Variants in ZNF276 observed in about 807,000 individuals in gnomAD.
The protein encoded by ZNF276 is centromere protein Z.
A neutral mutation model predicts 63.9 loss-of-function variants in ZNF276; 59 were observed. That is an observed-to-expected ratio of 0.92 (90% CI 0.75 to 1.15). ZNF276 has a LOEUF of 1.15. ZNF276 is among the 50% of genes most tolerant of loss of function. The pLI, the probability that ZNF276 is intolerant of heterozygous loss-of-function variation, is 0.00. For missense variants in ZNF276, 1,084 were observed against 843.8 expected (o/e 1.28, Z -3.53); for synonymous variants, 496 against 348.4 (o/e 1.42, Z -4.72).
At position 89,739,199 on chromosome 16, in the gene ZNF276, G is replaced by A. The variant is rs777315528; in HGVS notation, c.*953G>A. On this transcript the variant is annotated 3_prime_UTR_variant, in exon 11 of 11. Transcript: ENST00000443381. ...CTGTGCTTGTATCCCCAGCCACGAA[G>A]AGCTGGACCAGCTTCAAGTACATGT... 1.9e-6 allele frequency: 3 copies of A among 1,614,194 alleles called. No homozygotes were observed. Among genetic ancestry groups the A allele is most frequent in the South Asian group, 1.1e-5 (1 of 91,090 alleles).
chr16:89,738,075 G>A lies in ZNF276; in HGVS notation c.1674G>A (p.Gln558=). Residue 558 remains glutamine (Q), a synonymous_variant, in exon 11 of 11, where the codon CAG becomes CAA. Transcript: ENST00000443381. The stretch of plus-strand genomic sequence containing the variant: ...CTGAGCTGGACTTTGCCTGTGACCA[G>A]TGTGGCCGGCGGTTTGAGAAGGCCC... The part of the protein sequence containing the change: ...AETELDFACD[Q]CGRRFEKAHN... 5.0e-6 allele frequency: 8 copies of A among 1,614,124 alleles called. No individual in the cohort carries two copies. Among genetic ancestry groups the A allele is most frequent in the South Asian group, 2.2e-5 (2 of 91,086 alleles).
At chr16:89,737,465 G>A in intron 9 of ZNF276, 1 of 310,856 alleles carries the variant, frequency 3.2e-6, no homozygotes, top group Non-Finnish European at 6.1e-6. Flanking sequence ...AGGTTGCAGT[G>A]AGCTGAGATC....
chr16:89,722,212 GGCGTTTCCTGGAGGGCGCA>G (rs1408168879), intron 1 of ZNF276, among the ~76,000 whole-genome samples: 2 of 152,226 alleles, frequency 1.3e-5, no homozygotes, highest in Non-Finnish European at 2.9e-5. Context: ...AGGAAACCGC[GGCGTTTCCTGGAGGGCGCA>G]GCGCCTGCCC....
At chr16:89,722,938 G>C in intron 2 of ZNF276, 104 bp downstream of exon 2, 1 of 1,556,656 alleles carries the variant, frequency 6.4e-7, no homozygotes, top group East Asian at 2.3e-5. Context: ...TCTGGGTGGG[G>C]GGAATGGGCC....
chr16:89,720,782 T>C, upstream of ZNF276: 1 of 1,457,940 alleles, frequency 6.9e-7, no homozygotes, highest in Non-Finnish European at 9.1e-7. Flanking sequence ...GTTGCCGGTG[T>C]CCAGCTCGAT....
upstream of ZNF276, chr16:89,721,498 C>CCGCCCGCCT (rs1322922201): frequency 4.7e-6 from 4 of 845,248 alleles, no homozygotes; most frequent in African/African-American, 1.8e-5. Context: ...CTGGCCCGCC[C>CCGCCCGCCT]CGCCCGCCTC....
intron 9 of ZNF276, among the ~76,000 whole-genome samples, chr16:89,736,677 C>G (rs1447808685): frequency 3.3e-5 from 5 of 150,554 alleles, no homozygotes; most frequent in Non-Finnish European, 5.9e-5. Context: ...CACCTGTGGT[C>G]CCAGCTACTT....
rs1191474537 is a variant in ZNF276, at chr16:89,739,079, G to A, written c.*833G>A. 1 of 1,613,892 alleles carries A rather than the reference G, an allele frequency of 6.2e-7. No individual in the cohort carries two copies. The highest frequency in any genetic ancestry group is 2.2e-5 in the East Asian group (1 of 44,884). On this transcript the variant is annotated 3_prime_UTR_variant, in exon 11 of 11. Transcript: ENST00000443381. The stretch of plus-strand genomic sequence containing the variant: ...GTGCCGGAACATTCTTTGGCAGAAG[G>A]AGCCTCCGGCTGGGGGGAGCTCCCC...
At chr16:89,737,706 G>C (rs1336123849) in intron 9 of ZNF276, 100 bp from the exon 10 acceptor site, 30 of 1,586,326 alleles carry the variant, frequency 1.9e-5, no homozygotes, top group Admixed American at 3.4e-5. Context: ...ACCATGTGCA[G>C]AAATGTCTTC....
chr16:89,722,839 G>A lies in ZNF276; in HGVS notation c.509+5G>A, dbSNP rs756747945. The A allele has an allele frequency of 7.5e-6, 12 of 1,599,960 alleles. No individual in the cohort carries two copies. The highest frequency in any genetic ancestry group is 4.0e-5 in the African/African-American group (3 of 74,900). On this transcript the variant is annotated splice_donor_5th_base_variant and intron_variant, in intron 2 of 10. Coordinates refer to ENST00000443381, the MANE Select transcript of ZNF276 (RefSeq NM_001113525.2). ...TCGCCGGAAGCCTTGTGCAAAGTAC[G>A]CCCTAGTCTGTTCAGAGCACGTTCA...
rs745577614 is a variant in ZNF276 at position 89,739,271 on chromosome 16, A to T, written c.*1025A>T. 6.2e-7 allele frequency: 1 copy of T among 1,614,048 alleles called. No homozygotes were observed. The highest frequency in any genetic ancestry group is 1.3e-5 in the African/African-American group (1 of 74,944). ...CCTCTTCCCTGATGGCCGCGTCTTC[A>T]TGGAAGTAGGAGAGAAGACTAGAGG... On this transcript the variant is annotated 3_prime_UTR_variant, in exon 11 of 11. Transcript: ENST00000443381.
At chr16:89,720,719 G>C (rs748664896), upstream of ZNF276, 3 of 1,406,948 alleles carry the variant, frequency 2.1e-6, no homozygotes, top group Admixed American at 5.5e-5. Flanking sequence ...GGTCCCTCCA[G>C]GGGCCACCCT....
Position 89,740,139 on chromosome 16 carries a change from T to C in ZNF276, c.*1893T>C. 18 of 1,530,098 alleles carry C rather than the reference T, an allele frequency of 1.2e-5. No homozygotes were observed. Among genetic ancestry groups the C allele is most frequent in the Non-Finnish European group, 1.6e-5 (18 of 1,104,370 alleles). The allele number at this position is 1,530,098 out of a possible 1,614,324, so 94.8% of individuals were successfully genotyped here. ...AGACCAACCCTGAGAATGGCCGACC[T>C]GGTGCTCCCATGGGTAGGAGGGTAC... On this transcript the variant is annotated 3_prime_UTR_variant, in exon 11 of 11. Transcript: ENST00000443381.
At chr16:89,728,182 A>T (rs1008903601) in intron 5 of ZNF276, among the ~76,000 whole-genome samples, 4 of 149,670 alleles carry the variant, frequency 2.7e-5, no homozygotes, top group African/African-American at 9.9e-5. Context: ...AGCTGAGGTT[A>T]TAGCATAAAG....
chr16:89,724,904 C>T (rs1215192743), intron 4 of ZNF276, among the ~76,000 whole-genome samples: 11 of 152,168 alleles, frequency 7.2e-5, no homozygotes, highest in Non-Finnish European at 1.6e-4. Context: ...ATCTACTTAT[C>T]TACCTATTTA....
rs2062109469 is a variant in ZNF276, at chr16:89,740,674, C to T, written c.*2428C>T. 3 of 702,412 alleles carry T rather than the reference C, an allele frequency of 4.3e-6. No individual in the cohort carries two copies. Among genetic ancestry groups the T allele is most frequent in the Admixed American group, 2.6e-5 (1 of 38,870 alleles). The allele number at this position is 702,412 out of a possible 1,614,324, so 43.5% of individuals were successfully genotyped here. ...AAAAAACCCACGGCCTGGGAGTTCTCACTCACACTTCCGCAAACACAAGGA... is the reference window on the plus strand; with the variant it reads ...AAAAAACCCACGGCCTGGGAGTTCTTACTCACACTTCCGCAAACACAAGGA... On this transcript the variant is annotated 3_prime_UTR_variant, in exon 11 of 11. Coordinates refer to ENST00000443381, the MANE Select transcript of ZNF276 (RefSeq NM_001113525.2).
At chr16:89,730,798 G>C (rs748712172) in intron 6 of ZNF276, among the ~76,000 whole-genome samples, 3 of 152,154 alleles carry the variant, frequency 2.0e-5, no homozygotes, top group Non-Finnish European at 4.4e-5. Flanking sequence ...CACAGCCCCC[G>C]GCCCGTGTGC....
rs193085119 is a variant in ZNF276, at chr16:89,728,623, T to C, written c.1086-612T>C. On this transcript the variant is annotated intron_variant, in intron 5 of 10. Coordinates refer to ENST00000443381, the MANE Select transcript of ZNF276 (RefSeq NM_001113525.2). ...TTCACTTTGTTAGCCGGGATGGTCT[T>C]GATCTCCTGACCTCGTGATCCGCCC... Among the ~76,000 whole-genome samples the C allele has an allele frequency of 4.6e-3, 705 of 152,204 alleles. 3 individuals carry two copies. Among genetic ancestry groups the C allele is most frequent in the Admixed American group, 5.7e-3 (87 of 15,278 alleles).
rs192188499 is a variant in ZNF276, at chr16:89,740,092, G to A, written c.*1846G>A. The A allele has an allele frequency of 1.2e-6, 2 of 1,614,140 alleles. No individual in the cohort carries two copies. The highest frequency in any genetic ancestry group is 1.3e-5 in the African/African-American group (1 of 75,060). On this transcript the variant is annotated 3_prime_UTR_variant, in exon 11 of 11. Transcript: ENST00000443381. ...AACGTGGAAAGCCTTTGGCAGGTCT[G>A]TGGTGCTCTGTAAACCGCAGGAGAC... is the stretch of plus-strand genomic sequence containing the variant.
Sources: allele counts gnomAD v4.1 joint callset (sites outside exome capture counted in the v4.1 genomes callset), GRCh38; gene constraint gnomAD v4.1.1; transcripts MANE v1.5; gene names NCBI Gene and HGNC (gene_info 2026-07-23, HGNC 2026-07-21).